The following RCAN2 variants were observed in gnomAD, a reference collection of about 807,000 sequenced individuals.
RCAN2 encodes regulator of calcineurin 2, also known as calcipressin-2.
A neutral mutation model predicts 23.6 loss-of-function variants in RCAN2; 9 were observed. The ratio of observed to expected loss-of-function variants is 0.38; its 90% CI spans 0.23 to 0.67. RCAN2 has a LOEUF of 0.67. Ranked by LOEUF, RCAN2 falls within the 30% of genes least tolerant of loss-of-function variation. The pLI, the probability that RCAN2 is intolerant of heterozygous loss-of-function variation, is 0.51. For synonymous variants in RCAN2, 109 were observed against 115.7 expected (o/e 0.94, Z 0.37); for missense variants, 273 against 302.3 (o/e 0.90, Z 0.72).
At chr6:46,457,105 T>C in intron 1 of RCAN2, 127 bp from the exon 2 acceptor site, 1 of 641,498 alleles carries the variant, frequency 1.6e-6, no homozygotes, top group Non-Finnish European at 2.7e-6. Flanking sequence ...GCAGGGGATA[T>C]TGGAAGGGAG....
At chr6:46,484,283 T>A (rs1248832329) in intron 1 of RCAN2, among the ~76,000 whole-genome samples, 2 of 152,190 alleles carry the variant, frequency 1.3e-5, no homozygotes, top group Admixed American at 1.3e-4. Context: ...ATTTGAATAG[T>A]CATCAAATTA....
intron 2 of RCAN2, among the ~76,000 whole-genome samples, chr6:46,286,815 C>A (rs527614600): frequency 1.6e-4 from 25 of 151,936 alleles, no homozygotes; most frequent in African/African-American, 6.0e-4. Flanking sequence ...CGAACCTGAC[C>A]AACATGGAAA....
At chr6:46,387,834 C>G (rs1236538552) in intron 2 of RCAN2, among the ~76,000 whole-genome samples, 2 of 152,106 alleles carry the variant, frequency 1.3e-5, no homozygotes, top group Non-Finnish European at 2.9e-5. Flanking sequence ...TTCACAATGG[C>G]AAAGACTTGG....
In RCAN2 at chr6:46,456,668, A is replaced by C. The variant is rs1768041106; in HGVS notation, c.225+84T>G. The C allele has an allele frequency of 3.6e-6, 4 of 1,096,284 alleles. No homozygotes were observed. In the South Asian group the frequency reaches 5.9e-5, roughly 16 times the overall value. The allele number at this position is 1,096,284 out of a possible 1,614,324, so 67.9% of individuals were successfully genotyped here. A position where few individuals can be genotyped will look rare whatever the true frequency, so the allele number is the denominator to read the frequency against. On this transcript the variant is annotated intron_variant, in intron 2 of 4. Coordinates refer to ENST00000371374, the MANE Select transcript of RCAN2 (RefSeq NM_001251974.2). ...ACTAAACATTTCCAAAAACTTCAAA[A>C]CACCAACCACAAATGAACAACAGGA...
At chr6:46,237,291 T>C (rs1766136229) in intron 4 of RCAN2, among the ~76,000 whole-genome samples, 1 of 152,200 alleles carries the variant, frequency 6.6e-6, no homozygotes, top group East Asian at 1.9e-4. Context: ...ACAATGAATC[T>C]CCTCAAAAGA....
At chr6:46,401,877 C>G (rs1202549036) in intron 2 of RCAN2, among the ~76,000 whole-genome samples, 4 of 152,170 alleles carry the variant, frequency 2.6e-5, no homozygotes, top group Non-Finnish European at 4.4e-5. Flanking sequence ...CCAGACACAT[C>G]TGATCAAGCC....
chr6:46,485,970 G>T (rs1768980161), intron 1 of RCAN2, among the ~76,000 whole-genome samples: 1 of 152,090 alleles, frequency 6.6e-6, no homozygotes. Context: ...TATATGCATT[G>T]GACATCTTTC....
chr6:46,343,461 C>A (rs1027023166), intron 2 of RCAN2, among the ~76,000 whole-genome samples: 1 of 150,256 alleles, frequency 6.7e-6, no homozygotes, highest in Non-Finnish European at 1.5e-5. Flanking sequence ...CTGCAAGCTC[C>A]GCCTCCCGGG....
rs150555826 is a variant in RCAN2, at chr6:46,222,779, C to T, written c.*362G>A. The stretch of plus-strand genomic sequence containing the variant: ...TATTTAAGTGGCCAGGAGAGAACAA[C>T]GCACACACATCAGGACTGGGACTGA... On this transcript the variant is annotated 3_prime_UTR_variant, in exon 5 of 5. Transcript: ENST00000371374. The T allele has an allele frequency of 5.6e-3, 1,117 of 198,006 alleles. 6 individuals are homozygous for T. Among genetic ancestry groups the T allele is most frequent in the Non-Finnish European group, 7.6e-3 (747 of 97,784 alleles). The allele number at this position is 198,006 out of a possible 1,614,324, so 12.3% of individuals were successfully genotyped here.
chr6:46,372,731 A>G (rs1765355430), intron 2 of RCAN2, among the ~76,000 whole-genome samples: 1 of 152,258 alleles, frequency 6.6e-6, no homozygotes, highest in Non-Finnish European at 1.5e-5. Flanking sequence ...AGTCACACCT[A>G]TAAGAGAAGT....
chr6:46,233,878 C>T (rs897312289), intron 4 of RCAN2, among the ~76,000 whole-genome samples: 6 of 152,058 alleles, frequency 3.9e-5, no homozygotes, highest in Admixed American at 6.6e-5. Flanking sequence ...CAGGCACCTA[C>T]GATCACACCC....
chr6:46,227,899 C>G (rs1459737019), intron 4 of RCAN2, among the ~76,000 whole-genome samples: 3 of 152,132 alleles, frequency 2.0e-5, no homozygotes, highest in Non-Finnish European at 2.9e-5. Flanking sequence ...CCTGCTTTCT[C>G]TTGTGGGCAT....
chr6:46,406,983 A>G (rs554773692), intron 2 of RCAN2, among the ~76,000 whole-genome samples: 1 of 152,304 alleles, frequency 6.6e-6, no homozygotes, highest in African/African-American at 2.4e-5. Context: ...CCTGTCTGAT[A>G]AGGTGACAGA....
intron 2 of RCAN2, among the ~76,000 whole-genome samples, chr6:46,435,097 G>A (rs1767330343): frequency 6.6e-6 from 1 of 152,124 alleles, no homozygotes; most frequent in African/African-American, 2.4e-5. Context: ...TTCTCACTTT[G>A]TGCCCAGCAA....
intron 2 of RCAN2, among the ~76,000 whole-genome samples, chr6:46,321,785 GAGAACTGAAGT>G (rs1298792089): frequency 1.3e-5 from 2 of 152,250 alleles, no homozygotes; most frequent in Non-Finnish European, 2.9e-5. Flanking sequence ...TGCAGGTGTG[GAGAACTGAAGT>G]GTTGGGTGAG....
chr6:46,324,959 T>C (rs1329218678), intron 2 of RCAN2, among the ~76,000 whole-genome samples: 2 of 152,250 alleles, frequency 1.3e-5, no homozygotes, highest in African/African-American at 4.8e-5. Context: ...CACAGGATAT[T>C]TAAGTGACAT....
intron 4 of RCAN2, among the ~76,000 whole-genome samples, chr6:46,235,525 C>T (rs984065714): frequency 6.6e-6 from 1 of 152,174 alleles, no homozygotes; most frequent in African/African-American, 2.4e-5. Flanking sequence ...ACTGACGTCT[C>T]TCTACAAGTT....
At position 46,314,653 on chromosome 6, in the gene RCAN2, A is replaced by C. The variant is rs1001396611; in HGVS notation, c.226-65757T>G. Among the ~76,000 whole-genome samples, 19 of 152,200 alleles carry C rather than the reference A, an allele frequency of 1.2e-4. 1 individual carries two copies. The highest frequency in any genetic ancestry group is 4.6e-4 in the African/African-American group (19 of 41,446). On this transcript the variant is annotated intron_variant, in intron 2 of 4. Coordinates refer to ENST00000371374, the MANE Select transcript of RCAN2 (RefSeq NM_001251974.2). ...TTATAGTTAAGCATTACTGCGGTGA[A>C]ACAAGTCCATAACTCCATGTAAAAT...
intron 1 of RCAN2, among the ~76,000 whole-genome samples, chr6:46,487,987 A>C (rs1000608199): frequency 6.6e-6 from 1 of 152,222 alleles, no homozygotes; most frequent in African/African-American, 2.4e-5. Context: ...ATACAGATTT[A>C]AAATAACAAA....
Sources: gnomAD v4.1 joint callset for allele counts (sites outside exome capture counted in the v4.1 genomes callset) on GRCh38, gnomAD v4.1.1 for gene constraint, MANE v1.5 for transcripts, NCBI Gene and HGNC (gene_info 2026-07-23, HGNC 2026-07-21) for gene names.